Variants in PRKG1 observed in about 807,000 individuals in gnomAD.
PRKG1 encodes the protein cGMP-dependent protein kinase 1.
In PRKG1, 35 loss-of-function variants were observed where a neutral mutation model predicts 88.1. The observed-to-expected ratio is 0.40, with a 90% confidence interval of 0.30 to 0.53. The LOEUF (loss-of-function observed/expected upper bound fraction) is 0.53, where lower values mean the gene tolerates loss of function less well. Among genes scored for constraint, PRKG1 ranks in the 20% least tolerant of loss-of-function variants. PRKG1 has a pLI of 0.59. For missense variants in PRKG1, 540 were observed against 839.8 expected (o/e 0.64, Z 4.41); for synonymous variants, 303 against 292.5 (o/e 1.04, Z -0.37).
chr10:51,029,018 T>G (rs1028753527), intron 1 of PRKG1, among the ~76,000 whole-genome samples: 2 of 152,170 alleles, frequency 1.3e-5, no homozygotes, highest in African/African-American at 4.8e-5. Context: ...CCACTCCTTT[T>G]GTCCATGGGC....
At chr10:51,215,982 T>A (rs1016510230) in intron 2 of PRKG1, among the ~76,000 whole-genome samples, 1 of 152,166 alleles carries the variant, frequency 6.6e-6, no homozygotes, top group Non-Finnish European at 1.5e-5. Context: ...AGCCTTGAAA[T>A]GACATAGAAA....
intron 1 of PRKG1, among the ~76,000 whole-genome samples, chr10:51,048,873 A>T (rs2132766414): frequency 6.6e-6 from 1 of 152,078 alleles, no homozygotes; most frequent in East Asian, 1.9e-4. Flanking sequence ...TTTCTAAACA[A>T]GTCTGTAATG....
chr10:51,592,054 CAGA>C (rs1838325196), intron 3 of PRKG1, among the ~76,000 whole-genome samples: 1 of 152,128 alleles, frequency 6.6e-6, no homozygotes. Flanking sequence ...ACAGTTTTTC[CAGA>C]AGGACACTCT....
chr10:52,184,095 A>G lies in PRKG1; in HGVS notation c.1076+22132A>G, dbSNP rs146823813. ...CCCTTTGACACTCCAATGAAATTTT[A>G]GCTGTTTGTTCATTGCTTTGTCCCC... On this transcript the variant is annotated intron_variant, in intron 9 of 17. Transcript: ENST00000373980. Among the ~76,000 whole-genome samples, 169 of 152,286 alleles carry G rather than the reference A, an allele frequency of 1.1e-3. 2 individuals carry two copies. Among genetic ancestry groups the G allele is most frequent in the African/African-American group, 3.8e-3 (160 of 41,568 alleles).
intron 8 of PRKG1, 22 bp from the exon 9 acceptor site, chr10:52,161,867 C>T (rs1564496033): frequency 6.2e-6 from 10 of 1,607,094 alleles, no homozygotes; most frequent in Non-Finnish European, 8.5e-6. Context: ...AGATTAATCA[C>T]TGTGCTTTTT....
chr10:51,719,889 G>C (rs898855984), intron 3 of PRKG1, among the ~76,000 whole-genome samples: 1 of 152,206 alleles, frequency 6.6e-6, no homozygotes, highest in African/African-American at 2.4e-5. Context: ...AGGTTCAAGA[G>C]TGAAAGCAGA....
intron 2 of PRKG1, among the ~76,000 whole-genome samples, chr10:51,348,158 TA>T (rs1842157970): frequency 6.6e-6 from 1 of 152,042 alleles, no homozygotes; most frequent in Non-Finnish European, 1.5e-5. Flanking sequence ...TAAAATATAA[TA>T]AACCTATCAC....
intron 5 of PRKG1, among the ~76,000 whole-genome samples, chr10:51,924,151 A>G (rs1186852237): frequency 6.6e-6 from 1 of 151,894 alleles, no homozygotes; most frequent in African/African-American, 2.4e-5. Flanking sequence ...TATTTTTTGT[A>G]TGTCTGAGTT....
intron 9 of PRKG1, among the ~76,000 whole-genome samples, chr10:52,175,237 T>C (rs781746198): frequency 4.6e-5 from 7 of 152,140 alleles, no homozygotes; most frequent in Non-Finnish European, 8.8e-5. Flanking sequence ...GAACATGCAG[T>C]GTACAACTTT....
chr10:51,316,730 C>A (rs891146713), intron 2 of PRKG1, among the ~76,000 whole-genome samples: 1 of 148,248 alleles, frequency 6.7e-6, no homozygotes, highest in African/African-American at 2.4e-5. Context: ...AAATGAATTG[C>A]GATAATGGTA....
intron 1 of PRKG1, among the ~76,000 whole-genome samples, chr10:51,123,904 G>T (rs1271361867): frequency 6.6e-6 from 1 of 151,898 alleles, no homozygotes; most frequent in Non-Finnish European, 1.5e-5. Flanking sequence ...AGGGAGGGAG[G>T]TGTCATGTAC....
At chr10:51,766,084 A>G (rs1320965365) in intron 3 of PRKG1, among the ~76,000 whole-genome samples, 5 of 152,048 alleles carry the variant, frequency 3.3e-5, no homozygotes, top group Non-Finnish European at 5.9e-5. Flanking sequence ...ATATCATTCA[A>G]AGTTCTTTGT....
At chr10:52,012,406 T>C (rs975683686) in intron 5 of PRKG1, among the ~76,000 whole-genome samples, 1 of 152,076 alleles carries the variant, frequency 6.6e-6, no homozygotes, top group African/African-American at 2.4e-5. Flanking sequence ...CACTCCTGGC[T>C]AATTTTTTTG....
intron 2 of PRKG1, among the ~76,000 whole-genome samples, chr10:51,232,424 A>G (rs1838868380): frequency 6.6e-6 from 1 of 152,162 alleles, no homozygotes. Flanking sequence ...CTACTGTTTG[A>G]GATAGACACT....
At chr10:51,535,183 C>A (rs145190557) in intron 3 of PRKG1, among the ~76,000 whole-genome samples, 1 of 152,032 alleles carries the variant, frequency 6.6e-6, no homozygotes, top group Non-Finnish European at 1.5e-5. Context: ...TACAATTGGT[C>A]TTTTATGGAT....
intron 2 of PRKG1, among the ~76,000 whole-genome samples, chr10:51,187,635 C>G (rs947295724): frequency 1.3e-5 from 2 of 151,794 alleles, no homozygotes; most frequent in African/African-American, 4.8e-5. Flanking sequence ...TATTTTCATG[C>G]CTCAGTGATG....
intron 4 of PRKG1, among the ~76,000 whole-genome samples, chr10:51,833,462 A>G (rs1401260863): frequency 1.3e-5 from 2 of 152,214 alleles, no homozygotes; most frequent in Admixed American, 1.3e-4. Flanking sequence ...AAATTTATAA[A>G]TGATGCAACT....
intron 5 of PRKG1, among the ~76,000 whole-genome samples, chr10:51,958,271 A>T (rs1388868452): frequency 6.6e-6 from 1 of 152,200 alleles, no homozygotes; most frequent in East Asian, 1.9e-4. Flanking sequence ...GGTAGTTCTT[A>T]TGAAAAAACA....
At chr10:52,213,707 C>A (rs1467924481) in intron 9 of PRKG1, among the ~76,000 whole-genome samples, 2 of 152,168 alleles carry the variant, frequency 1.3e-5, no homozygotes, top group Non-Finnish European at 2.9e-5. Context: ...TCTGACTCAG[C>A]AGTGGGAGAG....
Sources: allele counts gnomAD v4.1 joint callset (sites outside exome capture counted in the v4.1 genomes callset), GRCh38; gene constraint gnomAD v4.1.1; transcripts MANE v1.5; gene names NCBI Gene and HGNC (gene_info 2026-07-23, HGNC 2026-07-21).